IL19: variants seen among roughly 807,000 people sequenced by gnomAD.
The protein encoded by IL19 is interleukin-19.
In IL19, 15 loss-of-function variants were observed where a neutral mutation model predicts 19.5. That is an observed-to-expected ratio of 0.77 (90% CI 0.52 to 1.19). The LOEUF is 1.19. Among genes scored for constraint, IL19 ranks in the 50% most tolerant of loss-of-function variants. IL19 has a pLI of 0.00. For missense variants in IL19, 199 were observed against 213.1 expected (o/e 0.93, Z 0.41); for synonymous variants, 78 against 78.3 (o/e 1.00, Z 0.02).
intron 1 of IL19, among the ~76,000 whole-genome samples, chr1:206,774,923 GT>G (rs1022937739): frequency 2.7e-4 from 41 of 152,150 alleles, no homozygotes; most frequent in Middle Eastern, 3.4e-3. Context: ...TATATGAGAT[GT>G]GTGTGTAAAT....
At chr1:206,771,448 G>C in intron 1 of IL19, 1 of 1,557,706 alleles carries the variant, frequency 6.4e-7, no homozygotes, top group Non-Finnish European at 8.8e-7. Context: ...ATGAACTTGA[G>C]GTTTGGGGAA....
intron 2 of IL19, among the ~76,000 whole-genome samples, chr1:206,835,637 G>A (rs1050458142): frequency 8.5e-5 from 13 of 152,134 alleles, no homozygotes; most frequent in African/African-American, 3.1e-4. Context: ...GGCCACACAC[G>A]ATACACTTAC....
In IL19 at chr1:206,841,141, C is replaced by A. The variant is rs1677003824; in HGVS notation, c.438+63C>A. ...AGAGGTAGATCAGGAGGGTGCCAGG[C>A]CTTCAGCCTCCTCTCCACTTAAATT... On this transcript the variant is annotated intron_variant, in intron 6 of 6. Transcript: ENST00000659997. 3 of 1,236,478 alleles carry A rather than the reference C, an allele frequency of 2.4e-6. No homozygotes were observed. The Admixed American group carries it at 5.1e-5, about 21-fold the overall frequency. 76.6% of individuals were successfully genotyped at this position (1,236,478 alleles called of 1,614,324 possible).
chr1:206,812,144 A>G (rs1006779471), intron 2 of IL19, among the ~76,000 whole-genome samples: 10 of 152,202 alleles, frequency 6.6e-5, no homozygotes, highest in Non-Finnish European at 1.2e-4. Flanking sequence ...ACATTACAGG[A>G]TGTAGATTAT....
intron 2 of IL19, among the ~76,000 whole-genome samples, chr1:206,807,753 A>G (rs1001141450): frequency 3.9e-5 from 6 of 152,226 alleles, no homozygotes; most frequent in African/African-American, 7.2e-5. Context: ...TTGTCACTGA[A>G]TTCCCAGGTC....
chr1:206,813,529 A>G (rs1676070675), intron 2 of IL19, among the ~76,000 whole-genome samples: 1 of 152,044 alleles, frequency 6.6e-6, no homozygotes, highest in South Asian at 2.1e-4. Context: ...CCTGTGAACT[A>G]AGACAACAAG....
intron 2 of IL19, among the ~76,000 whole-genome samples, chr1:206,818,509 A>G (rs1024572837): frequency 2.0e-5 from 3 of 152,210 alleles, no homozygotes; most frequent in African/African-American, 7.2e-5. Context: ...ACTTTCGGAA[A>G]GCAGATTAGT....
intron 2 of IL19, among the ~76,000 whole-genome samples, chr1:206,832,796 A>G (rs546008869): frequency 3.9e-5 from 6 of 152,334 alleles, no homozygotes; most frequent in East Asian, 1.9e-4. Context: ...GTTGTGAACC[A>G]CTATAGTCTA....
chr1:206,792,664 C>G (rs559239112), intron 1 of IL19, among the ~76,000 whole-genome samples: 1 of 152,126 alleles, frequency 6.6e-6, no homozygotes, highest in African/African-American at 2.4e-5. Flanking sequence ...ACCATGTTGG[C>G]CAGGATGGTC....
At position 206,781,923 on chromosome 1, in the gene IL19, ATATAT is replaced by A. The variant is rs1206215638; in HGVS notation, c.-149+10846_-149+10850del. 1.4e-3 allele frequency among the ~76,000 whole-genome samples: 155 copies of A among 109,366 alleles called. 1 individual carries two copies. The highest frequency in any genetic ancestry group is 5.3e-3 in the African/African-American group (146 of 27,580). The allele number at this position is 109,366 out of a possible 152,430, so 71.7% of individuals were successfully genotyped here. A position where few individuals can be genotyped will look rare whatever the true frequency, so the allele number is the denominator to read the frequency against. ...TATATACATATATATGTATATAGTTATATATACATATATATGTATATAGTTATATA... is the reference window on the plus strand; with the variant it reads ...TATATACATATATATGTATATAGTTAACATATATATGTATATAGTTATATA... On this transcript the variant is annotated intron_variant, in intron 1 of 6. Coordinates refer to ENST00000659997, the MANE Select transcript of IL19 (RefSeq NM_153758.5).
intron 2 of IL19, among the ~76,000 whole-genome samples, chr1:206,823,550 TAA>T (rs1005680500): frequency 8.7e-5 from 12 of 138,046 alleles, no homozygotes; most frequent in Admixed American, 7.3e-5. Context: ...AGACTCCGTC[TAA>T]AAAAAAAAAA....
intron 2 of IL19, among the ~76,000 whole-genome samples, chr1:206,811,828 G>A (rs998523975): frequency 3.3e-5 from 5 of 152,178 alleles, no homozygotes; most frequent in African/African-American, 1.2e-4. Flanking sequence ...CTTCCATCAT[G>A]GAGGGAAGGA....
At chr1:206,775,046 C>CT (rs112339008) in intron 1 of IL19, among the ~76,000 whole-genome samples, 11,380 of 145,192 alleles carry the variant, frequency 0.078, 496 homozygotes, top group Middle Eastern at 0.11. Flanking sequence ...GATCTGACTT[C>CT]TTTTTTTTTT....
rs759430658 is a variant in IL19 at position 206,770,926 on chromosome 1, C to T, written c.-301C>T. On this transcript the variant is annotated 5_prime_UTR_variant, in exon 1 of 7. Coordinates refer to ENST00000659997, the MANE Select transcript of IL19 (RefSeq NM_153758.5). The stretch of plus-strand genomic sequence containing the variant: ...ACTTACACAGCGCCGTAGCCTCAGC[C>T]TGAGGGTCTTCAGGTTCTCCCCCAG... 6.2e-7 allele frequency: 1 copy of T among 1,614,182 alleles called. No individual in the cohort carries two copies. The highest frequency in any genetic ancestry group is 8.5e-7 in the Non-Finnish European group (1 of 1,180,018).
intron 1 of IL19, among the ~76,000 whole-genome samples, chr1:206,772,992 G>A (rs1674897776): frequency 6.6e-6 from 1 of 152,166 alleles, no homozygotes; most frequent in Non-Finnish European, 1.5e-5. Context: ...AAATGAGGGG[G>A]TGGGCTAAAT....
At chr1:206,838,444 T>C (rs1200063986) in intron 4 of IL19, among the ~76,000 whole-genome samples, 1 of 152,220 alleles carries the variant, frequency 6.6e-6, no homozygotes, top group Non-Finnish European at 1.5e-5. Context: ...CAGTGATTTA[T>C]TTGTGGTGAA....
rs78996619 is a variant in IL19, at chr1:206,787,247, C to G, written c.-148-11614C>G. 8.3e-3 allele frequency among the ~76,000 whole-genome samples: 1,258 copies of G among 152,334 alleles called. 10 individuals are homozygous for G. Among genetic ancestry groups the G allele is most frequent in the Admixed American group, 0.02 (312 of 15,298 alleles). The stretch of plus-strand genomic sequence containing the variant: ...CAGCACTGCCTCTTCCATGAGCCTT[C>G]CTTTAACAACCTGACTCCACTGAGA... On this transcript the variant is annotated intron_variant, in intron 1 of 6. Transcript: ENST00000659997.
At chr1:206,836,625 C>G (rs878886182) in intron 2 of IL19, 36 bp from the exon 3 acceptor site, 4 of 1,569,162 alleles carry the variant, frequency 2.5e-6, no homozygotes, top group African/African-American at 2.8e-5. Context: ...GCCCTCCACT[C>G]TTGGCTGGAC....
intron 1 of IL19, among the ~76,000 whole-genome samples, chr1:206,795,038 C>T (rs553379146): frequency 1.3e-5 from 2 of 152,192 alleles, no homozygotes; most frequent in African/African-American, 4.8e-5. Context: ...GCTAAAGCAA[C>T]CTTGGCTGTT....
Sources: gnomAD v4.1 joint callset for allele counts (sites outside exome capture counted in the v4.1 genomes callset) on GRCh38, gnomAD v4.1.1 for gene constraint, MANE v1.5 for transcripts, NCBI Gene and HGNC (gene_info 2026-07-23, HGNC 2026-07-21) for gene names.